Variants in VEPH1 observed in about 807,000 individuals in gnomAD.
VEPH1 encodes ventricular zone-expressed PH domain-containing protein homolog 1.
VEPH1 carries 80 observed loss-of-function variants against 85.2 expected under a neutral mutation model. That is an observed-to-expected ratio of 0.94 (90% confidence interval 0.78 to 1.13). The LOEUF (loss-of-function observed/expected upper bound fraction) is 1.13, where lower values mean the gene tolerates loss of function less well. Ranked by LOEUF, VEPH1 falls within the 50% of genes most tolerant of loss-of-function variation. The pLI is 0.00. For missense variants in VEPH1, 955 were observed against 980.5 expected (o/e 0.97, Z 0.35); for synonymous variants, 297 against 348.0 (o/e 0.85, Z 1.63).
At chr3:157,393,540 T>C (rs1730081367) in intron 6 of VEPH1, among the ~76,000 whole-genome samples, 2 of 152,240 alleles carry the variant, frequency 1.3e-5, no homozygotes, top group South Asian at 4.1e-4. Context: ...CTGAATGTTT[T>C]ATTATAAAGA....
chr3:157,466,213 T>TG (rs946733772), intron 3 of VEPH1, among the ~76,000 whole-genome samples: 4 of 151,232 alleles, frequency 2.6e-5, no homozygotes, highest in East Asian at 1.9e-4. Context: ...CAAAAAAAAG[T>TG]GGGGGGGTGG....
At chr3:157,348,371 C>T (rs1355607568) in intron 9 of VEPH1, among the ~76,000 whole-genome samples, 1 of 152,090 alleles carries the variant, frequency 6.6e-6, no homozygotes, top group Non-Finnish European at 1.5e-5. Flanking sequence ...TTCCCAACAA[C>T]GTGTAAGAGT....
chr3:157,271,283 G>A (rs1714518227), intron 12 of VEPH1, among the ~76,000 whole-genome samples: 1 of 152,196 alleles, frequency 6.6e-6, no homozygotes, highest in African/African-American at 2.4e-5. Flanking sequence ...CGAGGGTCCA[G>A]CTAGCCCAGC....
chr3:157,437,504 G>A, intron 4 of VEPH1: 1 of 1,600,140 alleles, frequency 6.2e-7, no homozygotes, highest in Non-Finnish European at 8.5e-7. Flanking sequence ...TGTGTATCCC[G>A]TACTCTAGCC....
rs890807377 is a variant in VEPH1 at position 157,260,945 on chromosome 3, C to T, written c.*189G>A. On this transcript the variant is annotated 3_prime_UTR_variant, in exon 14 of 14. Coordinates refer to ENST00000362010, the MANE Select transcript of VEPH1 (RefSeq NM_001167912.2). The stretch of plus-strand genomic sequence containing the variant: ...CATCAGATATATTCTGAAGTCAATA[C>T]TAAAGCTGTTAGAGTATGACATTTA... 2.8e-6 allele frequency: 2 copies of T among 711,016 alleles called. No homozygotes were observed. The highest frequency in any genetic ancestry group is 4.6e-6 in the Non-Finnish European group (2 of 437,608). 44.0% of individuals were successfully genotyped at this position (711,016 alleles called of 1,614,324 possible).
In VEPH1 at chr3:157,445,744, G is replaced by A. The variant is rs898195948; in HGVS notation, c.529+14437C>T. ...GCGGAGATTGCAGTGAGCCAAGATCGCACCACTGCACTGCAGCCTGGCAAC... is the reference window on the plus strand; with the variant it reads ...GCGGAGATTGCAGTGAGCCAAGATCACACCACTGCACTGCAGCCTGGCAAC... On this transcript the variant is annotated intron_variant, in intron 4 of 13. Coordinates refer to ENST00000362010, the MANE Select transcript of VEPH1 (RefSeq NM_001167912.2). Among the ~76,000 whole-genome samples, 5 of 151,998 alleles carry A rather than the reference G, an allele frequency of 3.3e-5. No individual in the cohort carries two copies. The East Asian group carries it at 7.7e-4, about 24-fold the overall frequency.
chr3:157,458,667 G>T (rs1420854522), intron 4 of VEPH1, among the ~76,000 whole-genome samples: 1 of 152,066 alleles, frequency 6.6e-6, no homozygotes, highest in Non-Finnish European at 1.5e-5. Context: ...GTCATAATTG[G>T]TTTTAAGGAC....
At chr3:157,404,715 C>T (rs2305622) in intron 6 of VEPH1, among the ~76,000 whole-genome samples, 102,013 of 151,990 alleles carry the variant, frequency 0.67, 34,608 homozygotes, top group South Asian at 0.75. Context: ...CACATGCATA[C>T]GCCATGTGTC....
At chr3:157,273,460 G>A (rs1714971623) in intron 12 of VEPH1, among the ~76,000 whole-genome samples, 1 of 152,236 alleles carries the variant, frequency 6.6e-6, no homozygotes, top group African/African-American at 2.4e-5. Context: ...TAGAGTAGAT[G>A]CTGTCTGGGC....
intron 4 of VEPH1, chr3:157,442,579 T>C (rs1261660418): frequency 6.2e-7 from 1 of 1,613,992 alleles, no homozygotes; most frequent in Non-Finnish European, 8.5e-7. Flanking sequence ...GTGTTTGTGG[T>C]GGGTGGAGAG....
At chr3:157,362,269 G>A (rs1459966311) in intron 9 of VEPH1, among the ~76,000 whole-genome samples, 7 of 152,054 alleles carry the variant, frequency 4.6e-5, no homozygotes, top group African/African-American at 7.2e-5. Context: ...GACCTCAGGC[G>A]ATCCACCTGC....
chr3:157,481,706 T>C (rs1003696757), intron 2 of VEPH1, among the ~76,000 whole-genome samples: 1 of 152,190 alleles, frequency 6.6e-6, no homozygotes, highest in Non-Finnish European at 1.5e-5. Flanking sequence ...TGGTGTTTCC[T>C]AGATTATCTT....
chr3:157,437,978 C>T, intron 4 of VEPH1: 1 of 1,495,178 alleles, frequency 6.7e-7, no homozygotes, highest in Non-Finnish European at 8.8e-7. Context: ...CGCGTAACGG[C>T]AAGCCAAGCC....
At position 157,409,412 on chromosome 3, in the gene VEPH1, T is replaced by C. The variant is rs982434906; in HGVS notation, c.906+4469A>G. On this transcript the variant is annotated intron_variant, in intron 6 of 13. Coordinates refer to ENST00000362010, the MANE Select transcript of VEPH1 (RefSeq NM_001167912.2). ...AAAGGTGCACCTCAAGGGCAACAAT[T>C]GATCGGTTCTCCCAGAAGCAAATTT... is the stretch of plus-strand genomic sequence containing the variant. Among the ~76,000 whole-genome samples the C allele has an allele frequency of 2.0e-5, 3 of 152,248 alleles. No homozygotes were observed. In the East Asian group the frequency reaches 5.8e-4, roughly 29 times the overall value.
chr3:157,482,272 G>A (rs1200238191), intron 2 of VEPH1, among the ~76,000 whole-genome samples: 1 of 152,088 alleles, frequency 6.6e-6, no homozygotes, highest in African/African-American at 2.4e-5. Flanking sequence ...CGCCCAGGCT[G>A]GAGTGCAGTG....
In VEPH1 at chr3:157,290,031, CACAA is replaced by C. The variant is rs1393008673; in HGVS notation, c.2011-3361_2011-3358del. Among the ~76,000 whole-genome samples the C allele has an allele frequency of 7.7e-3, 620 of 80,480 alleles. 3 individuals are homozygous for C. The highest frequency in any genetic ancestry group is 0.033 in the African/African-American group (530 of 16,068). The allele number at this position is 80,480 out of a possible 152,430, so 52.8% of individuals were successfully genotyped here. A position where few individuals can be genotyped will look rare whatever the true frequency, so the allele number is the denominator to read the frequency against. On this transcript the variant is annotated intron_variant, in intron 11 of 13. Coordinates refer to ENST00000362010, the MANE Select transcript of VEPH1 (RefSeq NM_001167912.2). Reference sequence around the variant, plus strand: ...GGATATCAATTCCGTTGTTATTATACACAAACACACACACACACACACACACACA... The same window carrying C: ...GGATATCAATTCCGTTGTTATTATACACACACACACACACACACACACACA...
At position 157,281,101 on chromosome 3, in the gene VEPH1, T is replaced by TGA. The variant is rs1553756525; in HGVS notation, c.2128+5454_2128+5455dup. On this transcript the variant is annotated intron_variant, in intron 12 of 13. Transcript: ENST00000362010. Reference sequence around the variant, plus strand: ...GCATATGTGTGCGTGTGTGTGTGTGTGAGAGAGAGAGAGAGAGACAGAGAA... The same window carrying TGA: ...GCATATGTGTGCGTGTGTGTGTGTGTGAGAGAGAGAGAGAGAGAGACAGAGAA... Among the ~76,000 whole-genome samples the TGA allele has an allele frequency of 2.0e-4, 30 of 148,630 alleles. 1 individual carries two copies. Among genetic ancestry groups the TGA allele is most frequent in the Non-Finnish European group, 3.6e-4 (24 of 67,206 alleles).
At chr3:157,385,126 G>T (rs1729149392) in intron 6 of VEPH1, among the ~76,000 whole-genome samples, 1 of 151,304 alleles carries the variant, frequency 6.6e-6, no homozygotes, top group African/African-American at 2.4e-5. Flanking sequence ...GGAAACTGAA[G>T]CACAGATAGG....
intron 5 of VEPH1, among the ~76,000 whole-genome samples, chr3:157,427,476 G>A (rs1732841097): frequency 6.6e-6 from 1 of 151,986 alleles, no homozygotes; most frequent in African/African-American, 2.4e-5. Context: ...TTATTTTTAA[G>A]GCAAGGTCTC....
Sources: gnomAD v4.1 joint callset for allele counts (sites outside exome capture counted in the v4.1 genomes callset) on GRCh38, gnomAD v4.1.1 for gene constraint, MANE v1.5 for transcripts, NCBI Gene and HGNC (gene_info 2026-07-23, HGNC 2026-07-21) for gene names.